The following CFAP299 variants were observed in gnomAD, a reference collection of about 807,000 sequenced individuals.
The protein encoded by CFAP299 is cilia- and flagella-associated protein 299.
In CFAP299, 21 loss-of-function variants were observed where a neutral mutation model predicts 27.0. The observed-to-expected ratio is 0.78, with a 90% confidence interval of 0.55 to 1.12. The LOEUF is 1.12. CFAP299 is among the 50% of genes most tolerant of loss of function. The pLI is 0.00. For missense variants in CFAP299, 310 were observed against 276.6 expected (o/e 1.12, Z -0.86); for synonymous variants, 104 against 98.1 (o/e 1.06, Z -0.36).
rs527966706 is a variant in CFAP299, at chr4:80,445,673, A to T, written c.242+82789A>T. On this transcript the variant is annotated intron_variant, in intron 2 of 5. Coordinates refer to ENST00000358105, the MANE Select transcript of CFAP299 (RefSeq NM_152770.3). ...TGTATCCCAGAACTTAAAGTATATT[A>T]AAAAAAAAACATTTAAAGTATCATC... is the stretch of plus-strand genomic sequence containing the variant. 2.5e-3 allele frequency among the ~76,000 whole-genome samples: 381 copies of T among 149,666 alleles called. 5 individuals are homozygous for T. The highest frequency in any genetic ancestry group is 7.1e-3 in the African/African-American group (289 of 40,870).
intron 3 of CFAP299, among the ~76,000 whole-genome samples, chr4:80,621,362 A>AAT (rs767642107): frequency 2.7e-4 from 41 of 152,254 alleles, no homozygotes; most frequent in Non-Finnish European, 5.3e-4. Context: ...ACTCTCTACC[A>AAT]ATAGTTACAG....
chr4:80,783,920 A>T (rs1016185326), intron 3 of CFAP299, among the ~76,000 whole-genome samples: 1 of 150,948 alleles, frequency 6.6e-6, no homozygotes, highest in Non-Finnish European at 1.5e-5. Context: ...CACCCCTGGT[A>T]ACACCGTTTT....
intron 3 of CFAP299, among the ~76,000 whole-genome samples, chr4:80,782,647 TG>T (rs1726969174): frequency 8.5e-6 from 1 of 118,320 alleles, no homozygotes; most frequent in Non-Finnish European, 1.7e-5. Context: ...TATACATATA[TG>T]AATATATAAT....
intron 3 of CFAP299, among the ~76,000 whole-genome samples, chr4:80,739,960 C>T (rs1169158841): frequency 6.6e-6 from 1 of 152,070 alleles, no homozygotes; most frequent in Non-Finnish European, 1.5e-5. Flanking sequence ...ATGCATTCTT[C>T]ATCATGTCAT....
At chr4:80,800,503 A>G (rs1451928431) in intron 3 of CFAP299, among the ~76,000 whole-genome samples, 32 of 2,010 alleles carry the variant, frequency 0.016, 1 homozygote, top group African/African-American at 0.026. Context: ...TATATAATAT[A>G]TTATATAATA....
At chr4:80,767,239 CTATT>C (rs777505245) in intron 3 of CFAP299, among the ~76,000 whole-genome samples, 10 of 152,094 alleles carry the variant, frequency 6.6e-5, no homozygotes, top group Non-Finnish European at 7.4e-5. Flanking sequence ...ATAATGGTGA[CTATT>C]AATAAATAGA....
intron 5 of CFAP299, among the ~76,000 whole-genome samples, chr4:80,948,444 C>A (rs1218226834): frequency 1.1e-4 from 2 of 18,158 alleles, no homozygotes; most frequent in African/African-American, 1.4e-4. Flanking sequence ...TGATTCACAC[C>A]CACCAAAATG....
intron 2 of CFAP299, among the ~76,000 whole-genome samples, chr4:80,476,957 ATG>A (rs113312972): frequency 0.25 from 30,062 of 118,862 alleles, 3,093 homozygotes; most frequent in South Asian, 0.36. Context: ...GTGTGTGCGC[ATG>A]CGTGTGTGTG....
rs189467256 is a variant in CFAP299, at chr4:80,923,057, A to G, written c.477-21753A>G. On this transcript the variant is annotated intron_variant, in intron 4 of 5. Coordinates refer to ENST00000358105, the MANE Select transcript of CFAP299 (RefSeq NM_152770.3). ...TGGCTATTTGCTAAACAAAGGCAAG[A>G]ACTGTAAAATGTTTACATTTAGATA... 4.0e-4 allele frequency among the ~76,000 whole-genome samples: 61 copies of G among 152,102 alleles called. No homozygotes were observed. In the East Asian group the frequency reaches 0.011, roughly 28 times the overall value.
At chr4:80,753,304 G>C (rs923985127) in intron 3 of CFAP299, among the ~76,000 whole-genome samples, 2 of 151,604 alleles carry the variant, frequency 1.3e-5, no homozygotes, top group African/African-American at 4.8e-5. Flanking sequence ...GAGCATCTTA[G>C]AGATATTACT....
intron 3 of CFAP299, among the ~76,000 whole-genome samples, chr4:80,754,629 ATTGGTCTTTT>A (rs1725131578): frequency 1.3e-5 from 2 of 151,634 alleles, no homozygotes; most frequent in Non-Finnish European, 2.9e-5. Context: ...CATGACTCTC[ATTGGTCTTTT>A]TTGCAAGAAG....
the CFAP299 span, among the ~76,000 whole-genome samples, chr4:80,329,208 C>T: frequency 5.9e-5 from 8 of 136,046 alleles, no homozygotes; most frequent in South Asian, 2.4e-4. Context: ...ACACTGTATA[C>T]ATATATATAT....
chr4:80,686,114 C>T (rs1720174062), intron 3 of CFAP299, among the ~76,000 whole-genome samples: 1 of 150,598 alleles, frequency 6.6e-6, no homozygotes, highest in Non-Finnish European at 1.5e-5. Flanking sequence ...TTAAATAAAT[C>T]CATGGGAACT....
At chr4:80,850,849 A>C (rs568195230) in intron 3 of CFAP299, among the ~76,000 whole-genome samples, 1 of 152,272 alleles carries the variant, frequency 6.6e-6, no homozygotes, top group South Asian at 2.1e-4. Flanking sequence ...ATTGGCAATC[A>C]TCACACAAAG....
intron 3 of CFAP299, among the ~76,000 whole-genome samples, chr4:80,704,481 A>G (rs1052139810): frequency 2.0e-5 from 3 of 151,796 alleles, no homozygotes; most frequent in Admixed American, 6.6e-5. Context: ...GATTAGATAC[A>G]TATAGAGATG....
chr4:80,811,758 C>T (rs13114518), intron 3 of CFAP299, among the ~76,000 whole-genome samples: 4 of 151,876 alleles, frequency 2.6e-5, no homozygotes, highest in South Asian at 2.1e-4. Flanking sequence ...ACACTTGAGA[C>T]GTGGGGAGGT....
chr4:80,612,930 C>T (rs993641396), intron 3 of CFAP299, among the ~76,000 whole-genome samples: 3 of 151,980 alleles, frequency 2.0e-5, no homozygotes, highest in African/African-American at 7.2e-5. Flanking sequence ...GCTGAAAGAA[C>T]CAAGTATAGC....
chr4:80,701,213 A>T (rs1446574583), intron 3 of CFAP299, among the ~76,000 whole-genome samples: 1 of 152,036 alleles, frequency 6.6e-6, no homozygotes, highest in African/African-American at 2.4e-5. Flanking sequence ...ATAGTTGAGG[A>T]TATGGTTTAA....
intron 2 of CFAP299, among the ~76,000 whole-genome samples, chr4:80,368,245 G>A (rs926722640): frequency 2.6e-5 from 4 of 152,144 alleles, no homozygotes; most frequent in African/African-American, 4.8e-5. Flanking sequence ...CACTTGATAG[G>A]AGTCTCAGAT....
Sources: allele counts gnomAD v4.1 joint callset (sites outside exome capture counted in the v4.1 genomes callset), GRCh38; gene constraint gnomAD v4.1.1; transcripts MANE v1.5; gene names NCBI Gene and HGNC (gene_info 2026-07-23, HGNC 2026-07-21).